TMEM132D: variants seen among roughly 807,000 people sequenced by gnomAD.
TMEM132D encodes transmembrane protein 132D.
In TMEM132D, 21 loss-of-function variants were observed where a neutral mutation model predicts 62.3. The ratio of observed to expected loss-of-function variants is 0.34; its 90% CI spans 0.24 to 0.49. The LOEUF is 0.49. Among genes scored for constraint, TMEM132D ranks in the 20% least tolerant of loss-of-function variants. TMEM132D has a pLI of 0.99. For missense variants in TMEM132D, 1,346 were observed against 1,402.8 expected, an observed-to-expected ratio of 0.96 and a Z score of 0.65; for synonymous variants, 621 against 575.6, an observed-to-expected ratio of 1.08 and a Z score of -1.13.
chr12:129,818,185 G>A (rs1445563245), intron 1 of TMEM132D, among the ~76,000 whole-genome samples: 2 of 144,754 alleles, frequency 1.4e-5, no homozygotes, highest in Admixed American at 6.9e-5. Context: ...TGTGTGTGTG[G>A]TGTGGGGGCT....
rs1012804186 is a variant in TMEM132D, at chr12:129,614,599, T to A, written c.969-83394A>T. Among the ~76,000 whole-genome samples, 8 of 152,344 alleles carry A rather than the reference T, an allele frequency of 5.3e-5. 1 individual carries two copies. The highest frequency in any genetic ancestry group is 1.9e-4 in the African/African-American group (8 of 41,572). ...CATAGCGAACGGCAGTCCAAAATTC[T>A]TCAAGGAAGAAGCAAAATCTGATCC... On this transcript the variant is annotated intron_variant, in intron 2 of 8. Transcript: ENST00000422113.
chr12:129,513,505 G>A (rs1875555505), intron 3 of TMEM132D, among the ~76,000 whole-genome samples: 1 of 151,828 alleles, frequency 6.6e-6, no homozygotes, highest in East Asian at 1.9e-4. Context: ...TTGTTTTTGA[G>A]ACAGAGTCTC....
intron 1 of TMEM132D, among the ~76,000 whole-genome samples, chr12:129,859,977 C>T (rs912482686): frequency 5.9e-5 from 9 of 152,154 alleles, no homozygotes; most frequent in Admixed American, 3.3e-4. Context: ...GTATACATCT[C>T]CCCTGTTAGT....
At chr12:129,529,092 A>G (rs2137087724) in intron 3 of TMEM132D, among the ~76,000 whole-genome samples, 1 of 152,336 alleles carries the variant, frequency 6.6e-6, no homozygotes, top group Middle Eastern at 3.4e-3. Context: ...GTATGTGTAT[A>G]ACCTTTTTCC....
intron 2 of TMEM132D, among the ~76,000 whole-genome samples, chr12:129,610,939 C>T (rs751915353): frequency 2.0e-5 from 3 of 152,194 alleles, no homozygotes; most frequent in Non-Finnish European, 4.4e-5. Flanking sequence ...GTCCAAATTG[C>T]TCCCCAGAGG....
chr12:129,084,911 G>C (rs1003306572), intron 5 of TMEM132D: 1 of 569,192 alleles, frequency 1.8e-6, no homozygotes, highest in African/African-American at 1.9e-5. Context: ...GGTGCTCTCT[G>C]AGTACCCAGG....
intron 4 of TMEM132D, among the ~76,000 whole-genome samples, chr12:129,210,531 G>T (rs966783148): frequency 2.9e-4 from 44 of 152,154 alleles, no homozygotes; most frequent in Middle Eastern, 3.2e-3. Flanking sequence ...GTGTCTTTAG[G>T]GATGTCCCGG....
At chr12:129,195,904 G>A (rs1310211121) in intron 5 of TMEM132D, among the ~76,000 whole-genome samples, 2 of 152,140 alleles carry the variant, frequency 1.3e-5, no homozygotes, top group Non-Finnish European at 2.9e-5. Context: ...AGATGGGCGG[G>A]TCACTTGAGG....
chr12:129,391,266 T>A (rs1871282481), intron 3 of TMEM132D, among the ~76,000 whole-genome samples: 1 of 152,188 alleles, frequency 6.6e-6, no homozygotes, highest in Non-Finnish European at 1.5e-5. Context: ...GTGCTTGCAA[T>A]ATACCTGTTT....
chr12:129,648,834 A>G (rs1220099801), intron 2 of TMEM132D, among the ~76,000 whole-genome samples: 1 of 152,168 alleles, frequency 6.6e-6, no homozygotes, highest in Non-Finnish European at 1.5e-5. Context: ...AATACCATCT[A>G]TAATAAATAG....
intron 3 of TMEM132D, among the ~76,000 whole-genome samples, chr12:129,500,114 C>A (rs1875086703): frequency 6.7e-6 from 1 of 149,920 alleles, no homozygotes; most frequent in South Asian, 2.1e-4. Context: ...TCATCTGTCC[C>A]CCACTTCAGT....
At chr12:129,441,806 TA>T (rs890327114) in intron 3 of TMEM132D, among the ~76,000 whole-genome samples, 4 of 152,164 alleles carry the variant, frequency 2.6e-5, no homozygotes, top group African/African-American at 9.6e-5. Context: ...TACACAGTGA[TA>T]AAAAAATAAT....
chr12:129,424,007 C>T (rs929014730), intron 3 of TMEM132D, among the ~76,000 whole-genome samples: 2 of 152,080 alleles, frequency 1.3e-5, no homozygotes, highest in Non-Finnish European at 2.9e-5. Context: ...AATTTTCCAG[C>T]CTTTTGTTAC....
intron 4 of TMEM132D, among the ~76,000 whole-genome samples, chr12:129,273,962 A>G (rs1376311298): frequency 1.3e-5 from 2 of 151,816 alleles, no homozygotes; most frequent in Non-Finnish European, 2.9e-5. Context: ...TCAGGAGTCA[A>G]TATGTTTTTA....
rs1377388820 is a variant in TMEM132D, at chr12:129,535,770, TTGTGTGCGTGTGTGTG to T, written c.969-4581_969-4566del. On this transcript the variant is annotated intron_variant, in intron 2 of 8. Coordinates refer to ENST00000422113, the MANE Select transcript of TMEM132D (RefSeq NM_133448.3). ...GTTTGTTGGGAGATTCATTTAAGATTTGTGTGCGTGTGTGTGTGTGTGTGTGTGTGTGTGTGTGTGT... is the reference window on the plus strand; with the variant it reads ...GTTTGTTGGGAGATTCATTTAAGATTTGTGTGTGTGTGTGTGTGTGTGTGT... 6.0e-3 allele frequency among the ~76,000 whole-genome samples: 736 copies of T among 122,984 alleles called. 13 individuals carry two copies. The highest frequency in any genetic ancestry group is 0.021 in the African/African-American group (700 of 33,516). 80.7% of individuals were successfully genotyped at this position (122,984 alleles called of 152,430 possible).
At chr12:129,685,663 A>C (rs1444068946) in intron 2 of TMEM132D, among the ~76,000 whole-genome samples, 2 of 152,190 alleles carry the variant, frequency 1.3e-5, no homozygotes, top group African/African-American at 4.8e-5. Flanking sequence ...GAAGAGGGCC[A>C]ACTGTCCCCC....
In TMEM132D at chr12:129,220,389, G is replaced by A. The variant is rs187286128; in HGVS notation, c.1300-10726C>T. Among the ~76,000 whole-genome samples, 4 of 152,346 alleles carry A rather than the reference G, an allele frequency of 2.6e-5. No homozygotes were observed. In the South Asian group the frequency reaches 6.2e-4, roughly 24 times the overall value. On this transcript the variant is annotated intron_variant, in intron 4 of 8. Coordinates refer to ENST00000422113, the MANE Select transcript of TMEM132D (RefSeq NM_133448.3). ...CACACAGGTGCATCCAGTTGGCAGG[G>A]ACTGGATCGCAAGCCCATATACCCT...
At chr12:129,516,009 C>T (rs779779171) in intron 3 of TMEM132D, among the ~76,000 whole-genome samples, 9 of 152,202 alleles carry the variant, frequency 5.9e-5, no homozygotes, top group Non-Finnish European at 1.0e-4. Flanking sequence ...CCTACAATGA[C>T]ATTGACAATC....
intron 1 of TMEM132D, among the ~76,000 whole-genome samples, chr12:129,897,162 T>G (rs889783035): frequency 6.6e-6 from 1 of 152,226 alleles, no homozygotes; most frequent in Non-Finnish European, 1.5e-5. Flanking sequence ...TCCGAGTCTT[T>G]GGTCCCATGT....
Sources: allele counts gnomAD v4.1 joint callset (sites outside exome capture counted in the v4.1 genomes callset), GRCh38; gene constraint gnomAD v4.1.1; transcripts MANE v1.5; gene names NCBI Gene and HGNC (gene_info 2026-07-23, HGNC 2026-07-21).